The following DGKH variants were observed in gnomAD, a reference collection of about 807,000 sequenced individuals.
DGKH encodes the protein diacylglycerol kinase eta, also known as DAG kinase eta.
DGKH carries 90 observed loss-of-function variants against 159.3 expected under a neutral mutation model. The ratio of observed to expected loss-of-function variants is 0.57; its 90% CI spans 0.48 to 0.67. The LOEUF (loss-of-function observed/expected upper bound fraction) is 0.67. DGKH is among the 30% of genes least tolerant of loss of function. The pLI, the probability that DGKH is intolerant of heterozygous loss-of-function variation, is 0.00. For synonymous variants in DGKH, 536 were observed against 553.8 expected (o/e 0.97, Z 0.45); for missense variants, 1,181 against 1,506.1 (o/e 0.78, Z 3.57).
In DGKH at chr13:42,241,215, A is replaced by G. The variant is rs1253152952; in HGVS notation, c.*12027A>G. 6.6e-6 allele frequency: 1 copy of G among 152,234 alleles called. No homozygotes were observed. The highest frequency in any genetic ancestry group is 2.4e-5 in the African/African-American group (1 of 41,458). The allele number at this position is 152,234 out of a possible 1,614,324, so 9.4% of individuals were successfully genotyped here. On this transcript the variant is annotated 3_prime_UTR_variant, in exon 30 of 30. Transcript: ENST00000337343. The stretch of plus-strand genomic sequence containing the variant: ...CCTGCTCTATACTTGGCACTCAATT[A>G]GATTCTGGGGATACAGATAAAATAA...
In DGKH at chr13:42,229,342, T is replaced by C. The variant is rs1958231011; in HGVS notation, c.*154T>C. The C allele has an allele frequency of 4.8e-6, 3 of 630,680 alleles. No individual in the cohort carries two copies. The South Asian group carries it at 6.1e-5, about 13-fold the overall frequency. The allele number at this position is 630,680 out of a possible 1,614,324, so 39.1% of individuals were successfully genotyped here. A position where few individuals can be genotyped will look rare whatever the true frequency, so the allele number is the denominator to read the frequency against. ...TATTTTGCTGTGGGTGAAATTTTGATTTGAGGTATTAGAAAATATTTTTGT... is the reference window on the plus strand; with the variant it reads ...TATTTTGCTGTGGGTGAAATTTTGACTTGAGGTATTAGAAAATATTTTTGT... On this transcript the variant is annotated 3_prime_UTR_variant, in exon 30 of 30. Coordinates refer to ENST00000337343, the MANE Select transcript of DGKH (RefSeq NM_178009.5).
At chr13:42,067,033 A>G (rs1052273413) in intron 1 of DGKH, among the ~76,000 whole-genome samples, 1 of 152,140 alleles carries the variant, frequency 6.6e-6, no homozygotes, top group African/African-American at 2.4e-5. Context: ...GTATATACAC[A>G]TATTCTTTAA....
In DGKH at chr13:42,206,975, T is replaced by TTTTCTTTCTCTTTCTTTCTTTC. The variant is rs1555275942; in HGVS notation, c.2601+838_2601+839insCTTTCTTTCTTTCTTTCTTTCT. Among the ~76,000 whole-genome samples, 4 of 82,310 alleles carry TTTTCTTTCTCTTTCTTTCTTTC rather than the reference T, an allele frequency of 4.9e-5. 1 individual carries two copies. The highest frequency in any genetic ancestry group is 4.8e-5 in the Non-Finnish European group (2 of 41,518). 54.0% of individuals were successfully genotyped at this position (82,310 alleles called of 152,430 possible). On this transcript the variant is annotated intron_variant, in intron 21 of 29. Coordinates refer to ENST00000337343, the MANE Select transcript of DGKH (RefSeq NM_178009.5). Reference sequence around the variant, plus strand: ...CACAATACCTTTTGGTACTTTTACTTTTTCTTTCTTTCTTTCTTTCTTTCT... The same window carrying TTTTCTTTCTCTTTCTTTCTTTC: ...CACAATACCTTTTGGTACTTTTACTTTTTCTTTCTCTTTCTTTCTTTCTTTCTTTCTTTCTTTCTTTCTTTCT...
At chr13:42,252,723 G>T (rs555375746) in intron 30 of DGKH, among the ~76,000 whole-genome samples, 1 of 152,016 alleles carries the variant, frequency 6.6e-6, no homozygotes, top group Non-Finnish European at 1.5e-5. Context: ...CAACTGAGTC[G>T]GTTGGGGAAG....
At chr13:42,134,285 G>A (rs1300654184) in intron 3 of DGKH, among the ~76,000 whole-genome samples, 1 of 152,160 alleles carries the variant, frequency 6.6e-6, no homozygotes, top group Non-Finnish European at 1.5e-5. Flanking sequence ...GGCTTCAAGG[G>A]GGGCCACAGA....
intron 1 of DGKH, among the ~76,000 whole-genome samples, chr13:42,043,532 G>C (rs549977739): frequency 6.6e-5 from 10 of 152,054 alleles, no homozygotes; most frequent in African/African-American, 2.2e-4. Flanking sequence ...GTAGAGGTGG[G>C]ATCTGCCCAG....
At chr13:42,249,925 T>G (rs1156981351) in intron 29 of DGKH, among the ~76,000 whole-genome samples, 1 of 152,172 alleles carries the variant, frequency 6.6e-6, no homozygotes, top group African/African-American at 2.4e-5. Flanking sequence ...TAGGGATCAC[T>G]GATTTGATCC....
intron 1 of DGKH, among the ~76,000 whole-genome samples, chr13:42,115,462 A>C (rs1393833107): frequency 6.6e-6 from 1 of 152,184 alleles, no homozygotes; most frequent in Admixed American, 6.5e-5. Context: ...GCTATAAATA[A>C]TGCATGAGCA....
chr13:42,140,956 G>A (rs1955536086), intron 3 of DGKH: 3 of 146,260 alleles, frequency 2.1e-5, no homozygotes, highest in Admixed American at 1.4e-4. Context: ...TATACTTTAA[G>A]TTTTAGGGTA....
In DGKH at chr13:42,229,108, A is replaced by T. The variant is rs1324765631; in HGVS notation, c.3583A>T (p.Ile1195Leu). Reference sequence around the variant, plus strand: ...TGTTCTTTTATTTTAGGATCTGGGGATACCGAAAGTGGGTCATGTGAAGCG... The same window carrying T: ...TGTTCTTTTATTTTAGGATCTGGGGTTACCGAAAGTGGGTCATGTGAAGCG... ...LERRDLKDLG[I>L]PKVGHVKRIL... The change falls in exon 30 of 30, where the codon ATA becomes TTA. Residue 1195 changes from isoleucine (I) to leucine (L), a missense_variant. Ile to Leu is a conservative substitution (Grantham distance 5). Coordinates refer to ENST00000337343, the MANE Select transcript of DGKH (RefSeq NM_178009.5). 4 of 1,609,196 alleles carry T rather than the reference A, an allele frequency of 2.5e-6. No homozygotes were observed. The African/African-American group carries it at 5.4e-5, about 22-fold the overall frequency.
chr13:42,056,280 T>C (rs374759155), intron 1 of DGKH, among the ~76,000 whole-genome samples: 17 of 152,270 alleles, frequency 1.1e-4, no homozygotes, highest in East Asian at 7.7e-4. Flanking sequence ...CTTTTTGTTA[T>C]GAGGCTATTT....
In DGKH at chr13:42,230,344, G is replaced by GTTA. The variant is rs1288384363; in HGVS notation, c.*1167_*1169dup. The GTTA allele has an allele frequency of 6.6e-6, 1 of 151,992 alleles. No homozygotes were observed. Among genetic ancestry groups the GTTA allele is most frequent in the South Asian group, 2.1e-4 (1 of 4,822 alleles). 9.4% of individuals were successfully genotyped at this position (151,992 alleles called of 1,614,324 possible). On this transcript the variant is annotated 3_prime_UTR_variant, in exon 30 of 30. Transcript: ENST00000337343. ...AATTTTTTCTTAAGGGCTTTATGTT[G>GTTA]TTATTATTATTATCTCACTTAATTC...
rs1956287079 is a variant in DGKH, at chr13:42,165,439, T to C, written c.958+6T>C. 1.3e-6 allele frequency: 2 copies of C among 1,492,632 alleles called. No homozygotes were observed. The highest frequency in any genetic ancestry group is 2.1e-5 in the Admixed American group (1 of 47,810). 92.5% of individuals were successfully genotyped at this position (1,492,632 alleles called of 1,614,324 possible). ...AAACAGCACCGATTCCGATGGTATG[T>C]AGCAGTAGTGTAAGTACGTATATTT... On this transcript the variant is annotated splice_donor_region_variant and intron_variant, in intron 8 of 29. Coordinates refer to ENST00000337343, the MANE Select transcript of DGKH (RefSeq NM_178009.5).
chr13:42,109,665 T>C (rs625982), intron 1 of DGKH, among the ~76,000 whole-genome samples: 3 of 88,058 alleles, frequency 3.4e-5, no homozygotes, highest in African/African-American at 1.2e-4. Flanking sequence ...TGCGTGCGTG[T>C]GTGTGCGTGT....
intron 1 of DGKH, among the ~76,000 whole-genome samples, chr13:42,052,373 A>G (rs1328728414): frequency 6.6e-6 from 1 of 152,144 alleles, no homozygotes; most frequent in East Asian, 1.9e-4. Context: ...CTTTCTCTGA[A>G]TAACCTAAGT....
At chr13:42,225,719 G>A (rs959040997) in intron 29 of DGKH, among the ~76,000 whole-genome samples, 4 of 150,318 alleles carry the variant, frequency 2.7e-5, no homozygotes, top group Admixed American at 2.7e-4. Context: ...GTTGCAGTGA[G>A]CTGAGATCAT....
chr13:42,255,168 G>T (rs34682620), intron 30 of DGKH, among the ~76,000 whole-genome samples: 132 of 151,406 alleles, frequency 8.7e-4, no homozygotes, highest in Admixed American at 1.4e-3. Flanking sequence ...GTGCAGTATT[G>T]TTTAGGGAAC....
intron 3 of DGKH, among the ~76,000 whole-genome samples, chr13:42,148,944 C>CTTTTT (rs11287579): frequency 1.2e-5 from 1 of 80,102 alleles, no homozygotes; most frequent in East Asian, 4.0e-4. Flanking sequence ...CCCGCCCCTT[C>CTTTTT]TTTTTTTTTT....
intron 3 of DGKH, among the ~76,000 whole-genome samples, chr13:42,150,556 C>T (rs187498171): frequency 6.6e-6 from 1 of 152,272 alleles, no homozygotes; most frequent in East Asian, 1.9e-4. Context: ...ATGTAAGATG[C>T]TGCGGAAGTA....
Sources: allele counts gnomAD v4.1 joint callset (sites outside exome capture counted in the v4.1 genomes callset), GRCh38; gene constraint gnomAD v4.1.1; transcripts MANE v1.5; gene names NCBI Gene and HGNC (gene_info 2026-07-23, HGNC 2026-07-21).